Variants in GSS observed in about 807,000 individuals in gnomAD.
The protein encoded by GSS is glutathione synthetase, also known as GSH synthetase.
GSS carries 34 observed loss-of-function variants against 60.4 expected under a neutral mutation model. The ratio of observed to expected loss-of-function variants is 0.56; its 90% confidence interval spans 0.43 to 0.75. GSS has a LOEUF of 0.75. GSS is among the 30% of genes least tolerant of loss of function. The pLI is 0.00. For synonymous variants in GSS, 224 were observed against 239.0 expected (o/e 0.94, Z 0.58); for missense variants, 499 against 595.1 (o/e 0.84, Z 1.68).
chr20:34,941,765 T>G lies in GSS; in HGVS notation c.556A>C (p.Lys186Gln), dbSNP rs568346076. The change falls in exon 6 of 13, where the codon AAG becomes CAG. Residue 186 changes from lysine to glutamine, a missense_variant. Coordinates refer to ENST00000651619, the MANE Select transcript of GSS (RefSeq NM_000178.4). ...AGKILSNNPS[K>Q]GLALGIAKAW... The stretch of plus-strand genomic sequence containing the variant: ...TTGGCAATTCCCAGGGCCAGTCCCT[T>G]GCTGGGATTATTAGAGAGGATCTTG... The G allele has an allele frequency of 6.2e-7, 1 of 1,612,064 alleles. No homozygotes were observed. The highest frequency in any genetic ancestry group is 2.2e-5 in the East Asian group (1 of 44,882).
chr20:34,929,500 ATCT>A lies in GSS; in HGVS notation c.1199_1201del (p.Lys400del), dbSNP rs759911317. The A allele has an allele frequency of 2.5e-6, 4 of 1,614,072 alleles. No homozygotes were observed. The highest frequency in any genetic ancestry group is 8.5e-7 in the Non-Finnish European group (1 of 1,179,954). ...GCAATTCTCAAAAGGCTCAGGTTCG[ATCT>A]TCTCCATGAGGATGTAGGAGGCCCT... On this transcript the variant is annotated inframe_deletion, in exon 12 of 13. Transcript: ENST00000651619.
intron 9 of GSS, chr20:34,933,638 T>C (rs1045570718): frequency 1.3e-5 from 2 of 152,850 alleles, no homozygotes; most frequent in Non-Finnish European, 2.9e-5. Flanking sequence ...CTGGTCCACC[T>C]GTAGCACCTT....
chr20:34,939,812 G>A (rs1234086992), intron 6 of GSS, among the ~76,000 whole-genome samples: 1 of 151,938 alleles, frequency 6.6e-6, no homozygotes, highest in African/African-American at 2.4e-5. Context: ...GGGACTACAG[G>A]TGCCTGCCAC....
intron 2 of GSS, chr20:34,946,596 T>G (rs963671586): frequency 1.9e-5 from 3 of 154,134 alleles, no homozygotes; most frequent in African/African-American, 7.2e-5. Context: ...TGAACCAGGA[T>G]GGTTACTAAA....
rs1600388817 is a variant in GSS at position 34,946,175 on chromosome 20, G to T, written c.130-77C>A. 9.5e-6 allele frequency: 12 copies of T among 1,267,470 alleles called. No individual in the cohort carries two copies. In the South Asian group the frequency reaches 1.6e-4, roughly 17 times the overall value. 78.5% of individuals were successfully genotyped at this position (1,267,470 alleles called of 1,614,324 possible). A position where few individuals can be genotyped will look rare whatever the true frequency, so the allele number is the denominator to read the frequency against. On this transcript the variant is annotated intron_variant, in intron 2 of 12. Transcript: ENST00000651619. ...TGTCTTCCTGCAAATGGAATCCCAT[G>T]GAAAGTCTGGCCTATATTTACTGAG...
At position 34,931,316 on chromosome 20, in the gene GSS, G is replaced by A. The variant is rs774439736; in HGVS notation, c.1111+20C>T. ...CTAGTCCCTCTCATTGAGGAGCCCT[G>A]CAAAGGGAGATCCACCTACCTCCAC... is the stretch of plus-strand genomic sequence containing the variant. On this transcript the variant is annotated intron_variant, in intron 11 of 12. Coordinates refer to ENST00000651619, the MANE Select transcript of GSS (RefSeq NM_000178.4). The A allele has an allele frequency of 5.6e-6, 9 of 1,594,850 alleles. No homozygotes were observed. Among genetic ancestry groups the A allele is most frequent in the Non-Finnish European group, 7.7e-6 (9 of 1,162,394 alleles).
rs1424795631 is a variant in GSS, at chr20:34,933,207, G to C, written c.835-1074C>G. On this transcript the variant is annotated intron_variant, in intron 9 of 12. Coordinates refer to ENST00000651619, the MANE Select transcript of GSS (RefSeq NM_000178.4). ...CCAGACTGTGAGCTCCATAGCACAG[G>C]GCTCTTATCATTTTCCTCATTTTCT... Among the ~76,000 whole-genome samples, 3 of 152,154 alleles carry C rather than the reference G, an allele frequency of 2.0e-5. No individual in the cohort carries two copies. The East Asian group carries it at 5.8e-4, about 29-fold the overall frequency.
chr20:34,949,956 G>C (rs994132916), intron 2 of GSS: 1 of 143,030 alleles, frequency 7.0e-6, no homozygotes, highest in Admixed American at 7.0e-5. Context: ...CAATGGCCCG[G>C]CATAGAGCAG....
intron 6 of GSS, among the ~76,000 whole-genome samples, chr20:34,940,141 G>A (rs2081471383): frequency 6.6e-6 from 1 of 152,192 alleles, no homozygotes; most frequent in Non-Finnish European, 1.5e-5. Context: ...CCAAGGTCAT[G>A]TGCTATGTCA....
In GSS at chr20:34,937,650, G is replaced by A. The variant is rs375693945; in HGVS notation, c.609-627C>T. On this transcript the variant is annotated intron_variant, in intron 6 of 12. Transcript: ENST00000651619. ...CTCATAGTATTAATGAGATCACTAGGGCTTATGTGGCTTCTTCCTCTCTGA... is the reference window on the plus strand; with the variant it reads ...CTCATAGTATTAATGAGATCACTAGAGCTTATGTGGCTTCTTCCTCTCTGA... 5.9e-5 allele frequency among the ~76,000 whole-genome samples: 9 copies of A among 152,044 alleles called. No homozygotes were observed. In the South Asian group the frequency reaches 1.5e-3, roughly 25 times the overall value.
chr20:34,929,306 T>C (rs1034846120), intron 12 of GSS, 95 bp downstream of exon 12: 1 of 1,054,812 alleles, frequency 9.5e-7, no homozygotes, highest in African/African-American at 1.6e-5. Context: ...AAGCCCAGGA[T>C]TCCTGACTCT....
rs1358536581 is a variant in GSS at position 34,946,077 on chromosome 20, T to G, written c.151A>C (p.Thr51Pro). The change falls in exon 3 of 13, where the codon ACG (threonine) becomes CCG (proline). Residue 51 changes from threonine (T) to proline (P), a missense_variant. Coordinates refer to ENST00000651619, the MANE Select transcript of GSS (RefSeq NM_000178.4). ...SSEVVSYAPF[T>P]LFPSLVPSAL... The stretch of plus-strand genomic sequence containing the variant: ...CTGGGGACCAGTGAGGGGAAGAGCG[T>G]GAATGGGGCATAGCTCACCACCTGT... The G allele has an allele frequency of 6.2e-7, 1 of 1,613,576 alleles. No homozygotes were observed. Among genetic ancestry groups the G allele is most frequent in the African/African-American group, 1.3e-5 (1 of 75,026 alleles).
At chr20:34,934,818 T>G (rs909386760) in intron 9 of GSS, among the ~76,000 whole-genome samples, 1 of 152,188 alleles carries the variant, frequency 6.6e-6, no homozygotes. Flanking sequence ...GTCAGGAACT[T>G]GCCCATCATC....
chr20:34,935,892 G>A (rs2081437427), intron 8 of GSS, among the ~76,000 whole-genome samples: 1 of 152,170 alleles, frequency 6.6e-6, no homozygotes, highest in Non-Finnish European at 1.5e-5. Flanking sequence ...TTCTAAGAAG[G>A]CCAGAAGGAA....
intron 2 of GSS, among the ~76,000 whole-genome samples, chr20:34,947,544 A>G (rs1394541802): frequency 6.6e-6 from 1 of 152,196 alleles, no homozygotes; most frequent in Non-Finnish European, 1.5e-5. Context: ...CCAGAGGCAA[A>G]TGACAGACTA....
At chr20:34,948,132 A>G (rs1414356405) in intron 2 of GSS, among the ~76,000 whole-genome samples, 2 of 152,114 alleles carry the variant, frequency 1.3e-5, no homozygotes, top group Non-Finnish European at 2.9e-5. Flanking sequence ...CTCAGCATCT[A>G]AGATAAAACT....
At chr20:34,945,395 AAG>A (rs1555888708) in intron 3 of GSS, among the ~76,000 whole-genome samples, 1 of 151,600 alleles carries the variant, frequency 6.6e-6, no homozygotes, top group Non-Finnish European at 1.5e-5. Flanking sequence ...AAAAAAAAAA[AAG>A]ATCAAGGGAA....
chr20:34,949,684 C>T (rs2081551771), intron 2 of GSS: 3 of 152,134 alleles, frequency 2.0e-5, no homozygotes, highest in African/African-American at 7.2e-5. Flanking sequence ...TAAATAACCT[C>T]AGGTAGGTTA....
intron 1 of GSS, 134 bp from the exon 2 acceptor site, chr20:34,951,994 G>C: frequency 1.2e-6 from 1 of 839,080 alleles, no homozygotes; most frequent in Non-Finnish European, 2.0e-6. Flanking sequence ...GTATACAGGA[G>C]TGAACACTGG....
Sources: allele counts gnomAD v4.1 joint callset (sites outside exome capture counted in the v4.1 genomes callset), GRCh38; gene constraint gnomAD v4.1.1; transcripts MANE v1.5; gene names NCBI Gene and HGNC (gene_info 2026-07-23, HGNC 2026-07-21).